The following RNF135 variants were observed in gnomAD, a reference collection of about 807,000 sequenced individuals.
RNF135 encodes the protein E3 ubiquitin-protein ligase RNF135.
In RNF135, 46 loss-of-function variants were observed where a neutral mutation model predicts 41.9. The ratio of observed to expected loss-of-function variants is 1.10; its 90% CI spans 0.87 to 1.40. RNF135 has a LOEUF of 1.40. RNF135 is among the 40% of genes most tolerant of loss of function. The probability of loss-of-function intolerance (pLI) is 0.00; values close to 1 mark genes in which losing one functional copy is unlikely to be tolerated. For synonymous variants in RNF135, 238 were observed against 223.8 expected (o/e 1.06, Z -0.57); for missense variants, 539 against 549.8 (o/e 0.98, Z 0.20).
chr17:30,975,976 C>T (rs1906414130), intron 1 of RNF135: 2 of 391,980 alleles, frequency 5.1e-6, no homozygotes, highest in South Asian at 5.4e-5. Context: ...CAAAAAGTCA[C>T]ATGTAAAAAA....
chr17:30,960,638 C>T, the RNF135 span, among the ~76,000 whole-genome samples: 2 of 152,098 alleles, frequency 1.3e-5, no homozygotes, highest in African/African-American at 2.4e-5. Context: ...ACCATTGATC[C>T]GTTCATCATT....
At chr17:30,960,700 TTTTTATTTTA>T in the RNF135 span, among the ~76,000 whole-genome samples, 28,152 of 148,900 alleles carry the variant, frequency 0.19, 8,617 homozygotes, top group African/African-American at 0.66. Context: ...TAATATGTAA[TTTTTATTTTA>T]TTTTATTTTA....
intron 2 of RNF135, 35 bp downstream of exon 2, chr17:30,984,795 G>A (rs1396263152): frequency 6.2e-7 from 1 of 1,610,992 alleles, no homozygotes; most frequent in Non-Finnish European, 8.5e-7. Context: ...GATGTGGAAG[G>A]GAATAGGGCT....
intron 1 of RNF135, chr17:30,979,083 C>T (rs868506932): frequency 0.037 from 6,162 of 166,034 alleles, 144 homozygotes; most frequent in Middle Eastern, 0.088. Context: ...TCCACAAAAC[C>T]GCCATTGTCA....
chr17:30,981,983 G>C (rs1298053680), intron 1 of RNF135, among the ~76,000 whole-genome samples: 5 of 152,150 alleles, frequency 3.3e-5, no homozygotes, highest in Admixed American at 3.3e-4. Context: ...AACTGCACAG[G>C]GTCAGACCTA....
At chr17:30,983,717 C>T (rs1204981920) in intron 1 of RNF135, among the ~76,000 whole-genome samples, 1 of 151,530 alleles carries the variant, frequency 6.6e-6, no homozygotes, top group African/African-American at 2.4e-5. Flanking sequence ...TTCCCACCAA[C>T]AGTGCAGAGG....
intron 1 of RNF135, among the ~76,000 whole-genome samples, chr17:30,976,237 C>A (rs1906448184): frequency 6.6e-6 from 1 of 152,174 alleles, no homozygotes; most frequent in African/African-American, 2.4e-5. Flanking sequence ...AACTCCTGAC[C>A]TCGTGATCCA....
chr17:30,959,548 G>A, the RNF135 span: 2 of 152,226 alleles, frequency 1.3e-5, no homozygotes, highest in African/African-American at 4.8e-5. Context: ...AGAAGCATGT[G>A]TAAAGGCTCA....
the RNF135 span, among the ~76,000 whole-genome samples, chr17:30,960,378 G>A: frequency 6.6e-6 from 1 of 151,060 alleles, no homozygotes; most frequent in Non-Finnish European, 1.5e-5. Flanking sequence ...GCGACAGAGT[G>A]AGACTCCGTC....
chr17:30,971,683 T>G, intron 1 of RNF135: 1 of 1,334,492 alleles, frequency 7.5e-7, no homozygotes, highest in South Asian at 2.0e-5. Flanking sequence ...TTACACAGCT[T>G]GGCATATTTC....
intron 3 of RNF135, chr17:30,993,823 T>A: frequency 2.2e-6 from 2 of 905,366 alleles, no homozygotes; most frequent in Non-Finnish European, 3.4e-6. Flanking sequence ...TTAATTAATT[T>A]TTTTATTTTG....
the RNF135 span, chr17:30,959,897 T>A: frequency 6.6e-6 from 1 of 151,314 alleles, no homozygotes; most frequent in Non-Finnish European, 1.5e-5. Context: ...ATGCCTGTAG[T>A]CCCAGCTACT....
chr17:30,990,512 AAAAC>A (rs780715013), intron 3 of RNF135, among the ~76,000 whole-genome samples: 20 of 152,086 alleles, frequency 1.3e-4, no homozygotes, highest in Non-Finnish European at 2.1e-4. Flanking sequence ...ACACCATCTC[AAAAC>A]AAACAAACAA....
the RNF135 span, among the ~76,000 whole-genome samples, chr17:30,960,017 A>C: frequency 6.6e-6 from 1 of 151,590 alleles, no homozygotes; most frequent in Admixed American, 6.6e-5. Flanking sequence ...AAGAAAAGAA[A>C]ATTTGAATCA....
At chr17:30,988,924 CTTTTTTT>C (rs572603845) in intron 3 of RNF135, among the ~76,000 whole-genome samples, 6 of 99,932 alleles carry the variant, frequency 6.0e-5, no homozygotes, top group Admixed American at 1.9e-4. Flanking sequence ...TTCTTTCTTT[CTTTTTTT>C]TTTTTTTTTT....
Position 30,971,413 on chromosome 17 carries a change from G to A in RNF135, c.340G>A (p.Ala114Thr). The change falls in exon 1 of 5, where the codon GCG becomes ACG. Residue 114 changes from alanine (A) to threonine (T), a missense_variant. Ala to Thr is a moderately conservative substitution (Grantham distance 58). This residue lies in a region of RNF135 where 277 missense variants were observed against 212.8 expected (regional missense o/e 1.30). Transcript: ENST00000328381. ...CTCCAGTTCCCTCTCCAGCGCGGCC[G>A]CGAGGCCCCGGCGCCGCCCGGAACT... ...PGSSSLSSAAARPRRRPELQR... is the reference protein window; with the variant it reads ...PGSSSLSSAATRPRRRPELQR... The A allele has an allele frequency of 6.6e-7, 1 of 1,516,964 alleles. No homozygotes were observed. The highest frequency in any genetic ancestry group is 2.6e-5 in the East Asian group (1 of 38,306). The allele number at this position is 1,516,964 out of a possible 1,614,324, so 94.0% of individuals were successfully genotyped here.
chr17:30,988,408 C>T (rs985018653), intron 3 of RNF135, among the ~76,000 whole-genome samples: 2 of 147,716 alleles, frequency 1.4e-5, no homozygotes, highest in Non-Finnish European at 3.0e-5. Context: ...TGAAATAGGC[C>T]ACTTTTAATT....
intron 3 of RNF135, chr17:30,993,851 C>G (rs1441703982): frequency 1.2e-6 from 1 of 822,262 alleles, no homozygotes; most frequent in African/African-American, 1.7e-5. Flanking sequence ...TTCTCTGTTG[C>G]CCAGGCTGGA....
At chr17:30,965,372 T>C in the RNF135 span, 1 of 132,964 alleles carries the variant, frequency 7.5e-6, no homozygotes, top group Non-Finnish European at 1.5e-5. Flanking sequence ...AACCCAAAAA[T>C]GTATATATAT....
Sources: gnomAD v4.1 joint callset for allele counts (sites outside exome capture counted in the v4.1 genomes callset) on GRCh38, gnomAD v4.1.1 for gene constraint, gnomAD v4.1.1 regional missense constraint, MANE v1.5 for transcripts, NCBI Gene and HGNC (gene_info 2026-07-23, HGNC 2026-07-21) for gene names.